CD55: variants seen among roughly 807,000 people sequenced by gnomAD.
CD55 encodes the protein complement decay-accelerating factor.
A neutral mutation model predicts 45.8 loss-of-function variants in CD55; 41 were observed. The observed-to-expected ratio is 0.90, with a 90% CI of 0.70 to 1.16. The LOEUF (loss-of-function observed/expected upper bound fraction) is 1.16. Ranked by LOEUF, CD55 falls within the 50% of genes most tolerant of loss-of-function variation. CD55 has a pLI of 0.00. For synonymous variants in CD55, 181 were observed against 181.1 expected (o/e 1.00, Z 0.01); for missense variants, 416 against 469.8 (o/e 0.89, Z 1.06).
chr1:207,333,193 A>G (rs1158532310), intron 6 of CD55, among the ~76,000 whole-genome samples: 2 of 152,228 alleles, frequency 1.3e-5, no homozygotes, highest in Non-Finnish European at 2.9e-5. Context: ...GCTTTTATCT[A>G]GCATACCACA....
intron 9 of CD55, among the ~76,000 whole-genome samples, chr1:207,349,723 C>T (rs535713276): frequency 9.9e-5 from 15 of 151,984 alleles, no homozygotes; most frequent in East Asian, 1.9e-4. Context: ...TTTTGTACCC[C>T]GAAGCTTTAC....
At chr1:207,340,676 C>T (rs1252964019) in intron 9 of CD55, 6 of 577,730 alleles carry the variant, frequency 1.0e-5, no homozygotes, top group Non-Finnish European at 1.9e-5. Context: ...CCCACATTTT[C>T]TTTATCCATT....
chr1:207,356,203 A>G (rs1656069282), intron 9 of CD55, among the ~76,000 whole-genome samples: 1 of 152,212 alleles, frequency 6.6e-6, no homozygotes, highest in Non-Finnish European at 1.5e-5. Flanking sequence ...GACTATGGAA[A>G]ATCAGAGTGA....
At chr1:207,323,090 G>T (rs532654262) in intron 2 of CD55, among the ~76,000 whole-genome samples, 2 of 151,886 alleles carry the variant, frequency 1.3e-5, no homozygotes, top group East Asian at 3.8e-4. Flanking sequence ...CTTGGTGTTT[G>T]TGTGGAGAAT....
At chr1:207,340,865 C>T in intron 9 of CD55, 1 of 363,334 alleles carries the variant, frequency 2.8e-6, no homozygotes, top group Non-Finnish European at 4.9e-6. Context: ...TTTCAGGAAC[C>T]TCCATATTGT....
chr1:207,344,239 CTTA>C (rs562042722), intron 9 of CD55, among the ~76,000 whole-genome samples: 4 of 152,140 alleles, frequency 2.6e-5, no homozygotes, highest in Non-Finnish European at 5.9e-5. Context: ...TTTGTTCTCT[CTTA>C]TTATTGTGAT....
intron 9 of CD55, among the ~76,000 whole-genome samples, chr1:207,342,324 C>T (rs549499007): frequency 6.6e-6 from 1 of 152,250 alleles, no homozygotes; most frequent in African/African-American, 2.4e-5. Flanking sequence ...GAAACTAGGG[C>T]TTACAGCATT....
At position 207,324,764 on chromosome 1, in the gene CD55, T is replaced by G; in HGVS notation, c.478+14T>G. On this transcript the variant is annotated intron_variant, in intron 3 of 9. Coordinates refer to ENST00000367064, the MANE Select transcript of CD55 (RefSeq NM_000574.5). ...AATTTTGTAAAAGTGAGTAAAATTT[T>G]TTAAAGTATTTTCAACCATCTGGTG... 4 of 1,558,080 alleles carry G rather than the reference T, an allele frequency of 2.6e-6. No homozygotes were observed. The highest frequency in any genetic ancestry group is 3.5e-6 in the Non-Finnish European group (4 of 1,136,208).
intron 6 of CD55, among the ~76,000 whole-genome samples, chr1:207,334,798 T>C (rs1245396014): frequency 1.3e-5 from 2 of 151,734 alleles, no homozygotes; most frequent in Non-Finnish European, 2.9e-5. Flanking sequence ...ATGGGAGAAA[T>C]AGAAAACTAA....
intron 7 of CD55, chr1:207,337,029 G>A (rs139441098): frequency 1.6e-6 from 1 of 635,154 alleles, no homozygotes; most frequent in Non-Finnish European, 2.7e-6. Context: ...TCAGCTACAG[G>A]AACCCTACCA....
chr1:207,322,896 T>A (rs970860262), intron 2 of CD55, among the ~76,000 whole-genome samples: 2 of 152,212 alleles, frequency 1.3e-5, no homozygotes, highest in African/African-American at 4.8e-5. Flanking sequence ...ATATGTTTTC[T>A]TAAGTATTTT....
Position 207,331,105 on chromosome 1 carries a change from A to C in CD55, c.665-3A>C, listed in dbSNP as rs761537574. 36 of 1,590,738 alleles carry C rather than the reference A, an allele frequency of 2.3e-5. No individual in the cohort carries two copies. The highest frequency in any genetic ancestry group is 1.7e-4 in the Middle Eastern group (1 of 6,014). The stretch of plus-strand genomic sequence containing the variant: ...TTAAAAGATGTTGGAATTGTTTTTT[A>C]AGAAATTTATTGTCCAGCACCACCA... On this transcript the variant is annotated splice_region_variant and splice_polypyrimidine_tract_variant and intron_variant, in intron 5 of 9. Coordinates refer to ENST00000367064, the MANE Select transcript of CD55 (RefSeq NM_000574.5).
At chr1:207,344,661 CTCTG>C (rs2102422237) in intron 9 of CD55, among the ~76,000 whole-genome samples, 1 of 151,600 alleles carries the variant, frequency 6.6e-6, no homozygotes, top group African/African-American at 2.4e-5. Context: ...TTAGAACTCT[CTCTG>C]TCTTTGACTT....
chr1:207,342,140 T>A (rs538098936), intron 9 of CD55, among the ~76,000 whole-genome samples: 1 of 152,250 alleles, frequency 6.6e-6, no homozygotes, highest in South Asian at 2.1e-4. Context: ...TTTGGTGAAG[T>A]CTTTAAGGAT....
intron 1 of CD55, among the ~76,000 whole-genome samples, 181 bp downstream of exon 1, chr1:207,322,046 T>G (rs1654433695): frequency 6.6e-6 from 1 of 152,234 alleles, no homozygotes; most frequent in African/African-American, 2.4e-5. Context: ...GCTCCTGCTG[T>G]GTCGGCCCCC....
chr1:207,342,007 G>A (rs986739692), intron 9 of CD55, among the ~76,000 whole-genome samples: 1 of 151,672 alleles, frequency 6.6e-6, no homozygotes, highest in African/African-American at 2.4e-5. Flanking sequence ...TTTAGTTATT[G>A]TCAATGGAAT....
intron 4 of CD55, among the ~76,000 whole-genome samples, chr1:207,326,355 T>C (rs1022655673): frequency 1.3e-5 from 2 of 152,234 alleles, no homozygotes; most frequent in Non-Finnish European, 2.9e-5. Flanking sequence ...AACACAGATA[T>C]TGGTTAGGTC....
intron 8 of CD55, among the ~76,000 whole-genome samples, chr1:207,339,114 A>G (rs758062911): frequency 6.6e-5 from 10 of 152,136 alleles, no homozygotes; most frequent in Non-Finnish European, 1.2e-4. Context: ...AAGTCCTATA[A>G]CCAAATTTAA....
intron 9 of CD55, chr1:207,350,213 C>T (rs1259595882): frequency 2.4e-6 from 1 of 408,694 alleles, no homozygotes; most frequent in African/African-American, 2.1e-5. Context: ...ATAAAGCCTA[C>T]TTGATCGTGG....
Sources: allele counts gnomAD v4.1 joint callset (sites outside exome capture counted in the v4.1 genomes callset), GRCh38; gene constraint gnomAD v4.1.1; transcripts MANE v1.5; gene names NCBI Gene and HGNC (gene_info 2026-07-23, HGNC 2026-07-21).